Variants in KIAA1549L observed in about 807,000 individuals in gnomAD.
KIAA1549L encodes the protein UPF0606 protein KIAA1549L.
In KIAA1549L, 88 loss-of-function variants were observed where a neutral mutation model predicts 160.7. The ratio of observed to expected loss-of-function variants is 0.55; its 90% CI spans 0.46 to 0.65. The LOEUF (loss-of-function observed/expected upper bound fraction) is 0.65. KIAA1549L is among the 30% of genes least tolerant of loss of function. The probability of loss-of-function intolerance (pLI) is 0.00; values close to 1 mark genes in which losing one functional copy is unlikely to be tolerated. For synonymous variants in KIAA1549L, 950 were observed against 976.7 expected, an observed-to-expected ratio of 0.97 and a Z score of 0.51; for missense variants, 2,258 against 2,437.5, an observed-to-expected ratio of 0.93 and a Z score of 1.55.
Position 33,506,713 on chromosome 11 carries a change from T to TAA in KIAA1549L, c.239-35074_239-35073dup, listed in dbSNP as rs200555881. On this transcript the variant is annotated intron_variant, in intron 1 of 20. Coordinates refer to ENST00000658780, the MANE Select transcript of KIAA1549L (RefSeq NM_012194.3). ...CCCGGGTGACAGAATAACACCTTGC[T>TAA]AAAAAAAAAAAAAAAATTGAACAAC... Among the ~76,000 whole-genome samples the TAA allele has an allele frequency of 6.6e-3, 730 of 110,520 alleles. 2 individuals carry two copies. Among genetic ancestry groups the TAA allele is most frequent in the Non-Finnish European group, 9.7e-3 (526 of 54,356 alleles). The allele number at this position is 110,520 out of a possible 152,430, so 72.5% of individuals were successfully genotyped here. A position where few individuals can be genotyped will look rare whatever the true frequency, so the allele number is the denominator to read the frequency against.
chr11:33,494,207 A>G (rs571074927), intron 1 of KIAA1549L, among the ~76,000 whole-genome samples: 1 of 152,298 alleles, frequency 6.6e-6, no homozygotes, highest in African/African-American at 2.4e-5. Flanking sequence ...TGACCCTAAT[A>G]TTGAAATGAA....
At chr11:33,403,279 A>ACATGCACACACACATG (rs1850549945) in intron 1 of KIAA1549L, 1 of 51,384 alleles carries the variant, frequency 1.9e-5, no homozygotes. Context: ...ACACACAGAC[A>ACATGCACACACACATG]CAGACACACA....
intron 1 of KIAA1549L, among the ~76,000 whole-genome samples, chr11:33,519,042 A>T (rs1853421352): frequency 6.6e-6 from 1 of 152,138 alleles, no homozygotes; most frequent in African/African-American, 2.4e-5. Context: ...ACCTGTACTC[A>T]TTTTCACATG....
intron 1 of KIAA1549L, among the ~76,000 whole-genome samples, chr11:33,383,040 A>G (rs748702266): frequency 2.6e-5 from 4 of 152,192 alleles, no homozygotes; most frequent in Non-Finnish European, 5.9e-5. Flanking sequence ...TAACACTGGC[A>G]TAAAATAAGT....
In KIAA1549L at chr11:33,519,261, AT is replaced by A. The variant is rs902689980; in HGVS notation, c.239-22533del. On this transcript the variant is annotated intron_variant, in intron 1 of 20. Transcript: ENST00000658780. ...GTTAAATTATTCAATATTTCAATCCATTTTTTTTGAGAGAGTAGATTTTAAG... is the reference window on the plus strand; with the variant it reads ...GTTAAATTATTCAATATTTCAATCCATTTTTTTGAGAGAGTAGATTTTAAG... Among the ~76,000 whole-genome samples the A allele has an allele frequency of 6.3e-4, 95 of 151,988 alleles. No homozygotes were observed. The Middle Eastern group carries it at 0.024, about 38-fold the overall frequency.
intron 1 of KIAA1549L, among the ~76,000 whole-genome samples, chr11:33,477,445 T>C (rs1366606293): frequency 6.6e-6 from 1 of 152,190 alleles, no homozygotes; most frequent in Non-Finnish European, 1.5e-5. Flanking sequence ...AGATATTTAA[T>C]GTAGGGTTTT....
intron 1 of KIAA1549L, among the ~76,000 whole-genome samples, chr11:33,515,696 C>T (rs954695110): frequency 3.9e-5 from 6 of 152,228 alleles, no homozygotes; most frequent in Non-Finnish European, 8.8e-5. Context: ...TCTGTCAATC[C>T]TGCTGATCTT....
chr11:33,466,046 C>T (rs2133012500), intron 1 of KIAA1549L, among the ~76,000 whole-genome samples: 1 of 152,346 alleles, frequency 6.6e-6, no homozygotes, highest in South Asian at 2.1e-4. Flanking sequence ...CTGACATTCT[C>T]ATCTCCATAC....
intron 1 of KIAA1549L, among the ~76,000 whole-genome samples, chr11:33,389,610 T>G (rs950422772): frequency 6.6e-6 from 1 of 152,216 alleles, no homozygotes; most frequent in Non-Finnish European, 1.5e-5. Flanking sequence ...CTACGGAAAC[T>G]GAACCTTTTT....
At position 33,552,236 on chromosome 11, in the gene KIAA1549L, A is replaced by T. The variant is rs906486199; in HGVS notation, c.3850A>T (p.Ile1284Phe). 3 of 1,600,336 alleles carry T rather than the reference A, an allele frequency of 1.9e-6. No homozygotes were observed. The South Asian group carries it at 3.4e-5, about 18-fold the overall frequency. The change falls in exon 6 of 21, where the codon ATT becomes TTT. Residue 1284 changes from isoleucine to phenylalanine, a missense_variant. Physicochemically the swap from Ile to Phe is conservative, Grantham distance 21. This residue lies in a region of KIAA1549L where 1,359 missense variants were observed against 1,546.6 expected (regional missense o/e 0.88). Coordinates refer to ENST00000658780, the MANE Select transcript of KIAA1549L (RefSeq NM_012194.3). ...KVLNTKSNLT[I>F]QIVSTSNASQ... is the part of the protein sequence containing the mutation. ...CCTGAATACCAAAAGCAACTTGACA[A>T]TTCAGGTAGGGAGGAAGGTGCTTCA...
At chr11:33,603,099 C>T (rs1850405404) in intron 13 of KIAA1549L, among the ~76,000 whole-genome samples, 1 of 152,094 alleles carries the variant, frequency 6.6e-6, no homozygotes, top group East Asian at 1.9e-4. Flanking sequence ...TGCATGGTTA[C>T]CTGTTCTGCA....
intron 6 of KIAA1549L, among the ~76,000 whole-genome samples, chr11:33,556,159 A>G (rs1258250378): frequency 6.6e-6 from 1 of 152,188 alleles, no homozygotes; most frequent in Non-Finnish European, 1.5e-5. Context: ...GGAAAATACT[A>G]AGTGTTGGTG....
chr11:33,461,897 C>G (rs1418955422), intron 1 of KIAA1549L, among the ~76,000 whole-genome samples: 2 of 152,176 alleles, frequency 1.3e-5, no homozygotes, highest in Non-Finnish European at 2.9e-5. Context: ...CAATCAACCC[C>G]AGGGCTATAT....
chr11:33,405,007 CAA>C (rs35549544), intron 1 of KIAA1549L, among the ~76,000 whole-genome samples: 6 of 109,252 alleles, frequency 5.5e-5, no homozygotes, highest in Non-Finnish European at 5.4e-5. Flanking sequence ...GACTCTGTCT[CAA>C]AAAAAAAAAA....
intron 1 of KIAA1549L, among the ~76,000 whole-genome samples, chr11:33,449,841 G>A (rs750225646): frequency 6.6e-6 from 1 of 152,180 alleles, no homozygotes; most frequent in Non-Finnish European, 1.5e-5. Context: ...GCAAAAATAA[G>A]ACAGGGTTGA....
intron 15 of KIAA1549L, among the ~76,000 whole-genome samples, chr11:33,614,548 A>C (rs1417306692): frequency 0.058 from 473 of 8,222 alleles, 88 homozygotes; most frequent in African/African-American, 0.12. Flanking sequence ...ATATATATAT[A>C]TATATATATA....
intron 11 of KIAA1549L, among the ~76,000 whole-genome samples, chr11:33,587,645 C>A (rs1275205005): frequency 6.6e-6 from 1 of 152,168 alleles, no homozygotes; most frequent in Non-Finnish European, 1.5e-5. Context: ...ACAATGGGAA[C>A]CTTTTAAGCT....
intron 17 of KIAA1549L, among the ~76,000 whole-genome samples, chr11:33,649,529 AAGCAGC>A (rs1369419674): frequency 7.5e-4 from 103 of 138,172 alleles, no homozygotes; most frequent in African/African-American, 1.4e-3. Flanking sequence ...AAAAAAAAAG[AAGCAGC>A]AGCAGCAGCA....
chr11:33,443,957 A>G (rs144149180), intron 1 of KIAA1549L, among the ~76,000 whole-genome samples: 1 of 152,206 alleles, frequency 6.6e-6, no homozygotes, highest in Non-Finnish European at 1.5e-5. Context: ...TTTGAAAAGT[A>G]TCTCTGCCAT....
Sources: gnomAD v4.1 joint callset for allele counts (sites outside exome capture counted in the v4.1 genomes callset) on GRCh38, gnomAD v4.1.1 for gene constraint, gnomAD v4.1.1 regional missense constraint, MANE v1.5 for transcripts, NCBI Gene and HGNC (gene_info 2026-07-23, HGNC 2026-07-21) for gene names.